Variants in ERGIC1 observed in about 807,000 individuals in gnomAD.
ERGIC1 encodes endoplasmic reticulum-Golgi intermediate compartment protein 1.
ERGIC1 carries 19 observed loss-of-function variants against 38.3 expected under a neutral mutation model. The ratio of observed to expected loss-of-function variants is 0.50; its 90% CI spans 0.35 to 0.73. ERGIC1 has a LOEUF of 0.73. Among genes scored for constraint, ERGIC1 ranks in the 30% least tolerant of loss-of-function variants. The probability of loss-of-function intolerance (pLI) is 0.01; values close to 1 mark genes in which losing one functional copy is unlikely to be tolerated. For synonymous variants in ERGIC1, 124 were observed against 157.6 expected, an observed-to-expected ratio of 0.79 and a Z score of 1.60; for missense variants, 294 against 389.2, an observed-to-expected ratio of 0.76 and a Z score of 2.06.
chr5:172,935,363 C>CT, intron 9 of ERGIC1, 53 bp downstream of exon 9: 2 of 1,609,272 alleles, frequency 1.2e-6, no homozygotes, highest in African/African-American at 2.7e-5. Flanking sequence ...CCTGCGCCTG[C>CT]TCTGGGCCCC....
intron 3 of ERGIC1, chr5:172,905,468 C>T (rs763163526): frequency 2.1e-5 from 10 of 465,786 alleles, no homozygotes; most frequent in Non-Finnish European, 3.5e-5. Flanking sequence ...GAACGTTGGG[C>T]CATGCGGTGA....
At chr5:172,856,341 A>G (rs1008080480) in intron 1 of ERGIC1, among the ~76,000 whole-genome samples, 5 of 152,248 alleles carry the variant, frequency 3.3e-5, no homozygotes, top group African/African-American at 1.2e-4. Flanking sequence ...GCCAGAGAGG[A>G]GTCAAGGCCA....
At chr5:172,851,595 A>G (rs1248763361) in intron 1 of ERGIC1, among the ~76,000 whole-genome samples, 1 of 152,230 alleles carries the variant, frequency 6.6e-6, no homozygotes, top group African/African-American at 2.4e-5. Context: ...GTTGCTGGGC[A>G]GACCTCTGGG....
In ERGIC1 at chr5:172,926,654, GC is replaced by G; in HGVS notation, c.541+87del. 4.1e-6 allele frequency: 6 copies of G among 1,469,032 alleles called. No homozygotes were observed. The highest frequency in any genetic ancestry group is 1.4e-5 in the African/African-American group (1 of 72,360). 91.0% of individuals were successfully genotyped at this position (1,469,032 alleles called of 1,614,324 possible). A position where few individuals can be genotyped will look rare whatever the true frequency, so the allele number is the denominator to read the frequency against. On this transcript the variant is annotated intron_variant, in intron 7 of 9. Coordinates refer to ENST00000393784, the MANE Select transcript of ERGIC1 (RefSeq NM_001031711.3). This position sits in a 1 kb window ranked among gnomAD's most constrained non-coding sequence, Gnocchi z 5.2. ...AGGGGGAGGGCAGAGAGGTGGGGGT[GC>G]CTGTCCAGCACCCACTCCAAGGCAG...
Position 172,909,757 on chromosome 5 carries a change from C to A in ERGIC1, c.246C>A (p.Cys82Ter). ...SLNISLPNLHCELVGLDIQDE... is the reference protein window; with the variant it reads ...SLNISLPNLH ...ACATCAGTTTACCCAATCTGCACTG[C>A]GAGTGTGAGTACTCCACGCAGCCCC... Residue 82 changes from cysteine (C) to a stop codon, truncating the protein, a stop_gained, in exon 4 of 10, where the codon TGC becomes TGA. Transcript: ENST00000393784. LOFTEE classifies it high-confidence loss of function. 1 of 1,613,906 alleles carries A rather than the reference C, an allele frequency of 6.2e-7. No homozygotes were observed. The highest frequency in any genetic ancestry group is 8.5e-7 in the Non-Finnish European group (1 of 1,179,788).
At chr5:172,928,122 C>T (rs1195428288) in intron 7 of ERGIC1, among the ~76,000 whole-genome samples, 2 of 152,096 alleles carry the variant, frequency 1.3e-5, no homozygotes, top group East Asian at 1.9e-4. Context: ...CGACGTCGGC[C>T]GTCCACAAAT....
At position 172,834,583 on chromosome 5, in the gene ERGIC1, C is replaced by CCCCCG. The variant is rs1760985663; in HGVS notation, c.20+154_20+155insGCCCC. 2 of 709,862 alleles carry CCCCCG rather than the reference C, an allele frequency of 2.8e-6. No individual in the cohort carries two copies. The highest frequency in any genetic ancestry group is 4.3e-5 in the African/African-American group (2 of 46,536). 44.0% of individuals were successfully genotyped at this position (709,862 alleles called of 1,614,324 possible). On this transcript the variant is annotated intron_variant, in intron 1 of 9. Coordinates refer to ENST00000393784, the MANE Select transcript of ERGIC1 (RefSeq NM_001031711.3). This position sits in a 1 kb window ranked among gnomAD's most constrained non-coding sequence, Gnocchi z 4.1. ...GGCCCCTAGGGACCCCAGGCGAGCC[C>CCCCCG]CCCCCCTGCCGCACACGAAGCCAGC... is the stretch of plus-strand genomic sequence containing the variant.
chr5:172,852,061 A>G (rs17075279), intron 1 of ERGIC1, among the ~76,000 whole-genome samples: 24,967 of 151,732 alleles, frequency 0.16, 2,246 homozygotes, highest in East Asian at 0.34. Flanking sequence ...CTACCTGTCA[A>G]TGGGTGAACC....
chr5:172,880,142 T>C (rs1762245012), intron 1 of ERGIC1, among the ~76,000 whole-genome samples: 1 of 151,882 alleles, frequency 6.6e-6, no homozygotes, highest in Non-Finnish European at 1.5e-5. Context: ...ATTCAAGCAA[T>C]TTTCCTGCCT....
intron 1 of ERGIC1, among the ~76,000 whole-genome samples, chr5:172,858,802 C>A (rs1447695548): frequency 6.6e-6 from 1 of 152,212 alleles, no homozygotes; most frequent in Non-Finnish European, 1.5e-5. Flanking sequence ...CTTGTGAGGG[C>A]CCTGCCCAAG....
intron 1 of ERGIC1, among the ~76,000 whole-genome samples, chr5:172,863,333 T>A (rs1761767158): frequency 6.6e-6 from 1 of 152,182 alleles, no homozygotes; most frequent in South Asian, 2.1e-4. Context: ...CTAAACTCGA[T>A]TATGAGAATT....
intron 4 of ERGIC1, among the ~76,000 whole-genome samples, chr5:172,911,238 C>T (rs1288937884): frequency 6.6e-6 from 1 of 152,214 alleles, no homozygotes; most frequent in Non-Finnish European, 1.5e-5. Flanking sequence ...AATTTTGAAT[C>T]CTCGCTGGGC....
In ERGIC1 at chr5:172,908,364, G is replaced by T. The variant is rs531965128; in HGVS notation, c.156-1303G>T. Reference sequence around the variant, plus strand: ...GGGGAGGGGGGGGGTGGATCATGAGGTCAGGAGTTCGGGACCAGCCTTGCC... The same window carrying T: ...GGGGAGGGGGGGGGTGGATCATGAGTTCAGGAGTTCGGGACCAGCCTTGCC... On this transcript the variant is annotated intron_variant, in intron 3 of 9. Coordinates refer to ENST00000393784, the MANE Select transcript of ERGIC1 (RefSeq NM_001031711.3). Among the ~76,000 whole-genome samples, 117 of 128,704 alleles carry T rather than the reference G, an allele frequency of 9.1e-4. 3 individuals are homozygous for T. The highest frequency in any genetic ancestry group is 3.4e-3 in the African/African-American group (114 of 33,946). The allele number at this position is 128,704 out of a possible 152,430, so 84.4% of individuals were successfully genotyped here. A position where few individuals can be genotyped will look rare whatever the true frequency, so the allele number is the denominator to read the frequency against.
At chr5:172,948,938 T>C (rs998856563) in intron 9 of ERGIC1, among the ~76,000 whole-genome samples, 4 of 152,084 alleles carry the variant, frequency 2.6e-5, no homozygotes, top group African/African-American at 7.2e-5. Context: ...CCTGTAATCC[T>C]GGCTACCCCG....
chr5:172,920,304 GCACC>G, intron 5 of ERGIC1: 1 of 717,372 alleles, frequency 1.4e-6, no homozygotes, highest in South Asian at 1.5e-5. Context: ...GCCAGCCCCC[GCACC>G]TCTCTCCCAG....
rs1399719928 is a variant in ERGIC1 at position 172,901,058 on chromosome 5, C to A, written c.155+3984C>A. On this transcript the variant is annotated intron_variant, in intron 3 of 9. Coordinates refer to ENST00000393784, the MANE Select transcript of ERGIC1 (RefSeq NM_001031711.3). ...TTGGGAACAACTGAAGGTCACAGTT[C>A]TCGTCTTCTGGGTGGCTGGCCCTCT... is the stretch of plus-strand genomic sequence containing the variant. 4.6e-5 allele frequency among the ~76,000 whole-genome samples: 7 copies of A among 152,346 alleles called. No homozygotes were observed. The East Asian group carries it at 1.4e-3, about 29-fold the overall frequency.
At chr5:172,888,676 C>T (rs1762479994) in intron 1 of ERGIC1, 23 bp from the exon 2 acceptor site, 2 of 1,612,150 alleles carry the variant, frequency 1.2e-6, no homozygotes, top group Non-Finnish European at 1.7e-6. Context: ...CCACCTCACT[C>T]CTGTTCCATT....
chr5:172,920,499 G>A, intron 5 of ERGIC1: 1 of 715,674 alleles, frequency 1.4e-6, no homozygotes, highest in Non-Finnish European at 2.6e-6. Context: ...GGGGTATGGG[G>A]CCTGGCTCCA....
At position 172,951,056 on chromosome 5, in the gene ERGIC1, AAC is replaced by A. The variant is rs1173172769; in HGVS notation, c.*242_*243del. On this transcript the variant is annotated 3_prime_UTR_variant, in exon 10 of 10. Coordinates refer to ENST00000393784, the MANE Select transcript of ERGIC1 (RefSeq NM_001031711.3). ...TCCCCTTTCCCTGGGGAGCCCCAAG[AAC>A]AGAGTCAGGCAAGGGGTGGGGAGTC... 2.3e-6 allele frequency: 1 copy of A among 441,580 alleles called. No homozygotes were observed. Among genetic ancestry groups the A allele is most frequent in the Non-Finnish European group, 4.1e-6 (1 of 246,024 alleles). 27.4% of individuals were successfully genotyped at this position (441,580 alleles called of 1,614,324 possible). A position where few individuals can be genotyped will look rare whatever the true frequency, so the allele number is the denominator to read the frequency against.
Sources: gnomAD v4.1 joint callset for allele counts (sites outside exome capture counted in the v4.1 genomes callset) on GRCh38, gnomAD v4.1.1 for gene constraint, Gnocchi (gnomAD v3.1) non-coding constraint, MANE v1.5 for transcripts, NCBI Gene and HGNC (gene_info 2026-07-23, HGNC 2026-07-21) for gene names.